Variants in FAM135B observed in about 807,000 individuals in gnomAD.
FAM135B encodes family with sequence similarity 135 member B.
In FAM135B, 43 loss-of-function variants were observed where a neutral mutation model predicts 127.7. The observed-to-expected ratio is 0.34, with a 90% CI of 0.26 to 0.43. The LOEUF is 0.43. Ranked by LOEUF, FAM135B falls within the 20% of genes least tolerant of loss-of-function variation. The pLI is 1.00. For synonymous variants in FAM135B, 670 were observed against 665.1 expected (o/e 1.01, Z -0.11); for missense variants, 1,558 against 1,725.6 (o/e 0.90, Z 1.72).
At chr8:138,340,859 C>G (rs184884226) in intron 2 of FAM135B, among the ~76,000 whole-genome samples, 1 of 152,210 alleles carries the variant, frequency 6.6e-6, no homozygotes, top group East Asian at 1.9e-4. Flanking sequence ...GTAAATGGCC[C>G]TTCTTTCTCT....
At chr8:138,431,299 A>C (rs994475976) in intron 1 of FAM135B, among the ~76,000 whole-genome samples, 5 of 152,224 alleles carry the variant, frequency 3.3e-5, no homozygotes, top group African/African-American at 1.2e-4. Context: ...TGACAGACAG[A>C]CTGAACTACC....
intron 1 of FAM135B, among the ~76,000 whole-genome samples, chr8:138,409,400 C>T (rs145181896): frequency 1.9e-4 from 29 of 151,980 alleles, no homozygotes; most frequent in South Asian, 8.3e-4. Flanking sequence ...CATGGATCAC[C>T]GCAGCAGACA....
chr8:138,357,700 T>C (rs1830178648), intron 2 of FAM135B, among the ~76,000 whole-genome samples: 1 of 152,172 alleles, frequency 6.6e-6, no homozygotes. Flanking sequence ...AGGATCCCAC[T>C]CTCTTTCTTA....
At chr8:138,266,308 G>A (rs1315727178) in intron 3 of FAM135B, among the ~76,000 whole-genome samples, 6 of 152,116 alleles carry the variant, frequency 3.9e-5, no homozygotes, top group African/African-American at 9.7e-5. Context: ...CATCATGCAT[G>A]TCATGAGAAC....
intron 3 of FAM135B, among the ~76,000 whole-genome samples, chr8:138,305,039 G>A (rs1312005047): frequency 6.6e-6 from 1 of 152,184 alleles, no homozygotes; most frequent in African/African-American, 2.4e-5. Flanking sequence ...TACCTGCTTA[G>A]AATTCTCCAT....
chr8:138,172,630 C>T (rs1265988083), intron 11 of FAM135B, among the ~76,000 whole-genome samples: 1 of 152,122 alleles, frequency 6.6e-6, no homozygotes, highest in East Asian at 1.9e-4. Flanking sequence ...ACCTTGTCTA[C>T]CTTGTTAGCT....
chr8:138,246,124 G>T (rs1821261864), intron 6 of FAM135B, among the ~76,000 whole-genome samples: 1 of 152,074 alleles, frequency 6.6e-6, no homozygotes, highest in Non-Finnish European at 1.5e-5. Context: ...TTTCAAGAGG[G>T]AGCAGAGCAC....
intron 12 of FAM135B, among the ~76,000 whole-genome samples, chr8:138,160,441 T>G (rs1390463361): frequency 6.6e-5 from 10 of 152,008 alleles, no homozygotes. Flanking sequence ...CAGGCTGGAG[T>G]GCAGTGTCTC....
chr8:138,436,190 G>A lies in FAM135B; in HGVS notation c.-20+60481C>T, dbSNP rs756783989. On this transcript the variant is annotated intron_variant, in intron 1 of 19. Coordinates refer to ENST00000395297, the MANE Select transcript of FAM135B (RefSeq NM_015912.4). ...TGGGCATTGGGAAGGGCAAACAAGC[G>A]GCTAAGCAAATGCTAAAACGATGAG... is the stretch of plus-strand genomic sequence containing the variant. Among the ~76,000 whole-genome samples the A allele has an allele frequency of 3.0e-4, 46 of 152,224 alleles. 1 individual carries two copies. The highest frequency in any genetic ancestry group is 7.2e-4 in the African/African-American group (30 of 41,536).
chr8:138,141,825 G>A lies in FAM135B; in HGVS notation c.3639-476C>T, dbSNP rs963738302. Among the ~76,000 whole-genome samples, 1 of 152,136 alleles carries A rather than the reference G, an allele frequency of 6.6e-6. No homozygotes were observed. The highest frequency in any genetic ancestry group is 2.4e-5 in the African/African-American group (1 of 41,432). On this transcript the variant is annotated intron_variant, in intron 16 of 19. Coordinates refer to ENST00000395297, the MANE Select transcript of FAM135B (RefSeq NM_015912.4). This position sits in a 1 kb window ranked among gnomAD's most constrained non-coding sequence, Gnocchi z 4.7. ...GAACCACCTGCTCACAGCCCATGCT[G>A]TTAGACCCCCTCCTGCAGGCTCTGC... is the stretch of plus-strand genomic sequence containing the variant.
intron 8 of FAM135B, 62 bp downstream of exon 8, chr8:138,197,454 C>T (rs1816746258): frequency 6.4e-7 from 1 of 1,567,316 alleles, no homozygotes; most frequent in Non-Finnish European, 8.7e-7. Context: ...TTTTCCCCAT[C>T]CCTTGTGTGG....
intron 7 of FAM135B, among the ~76,000 whole-genome samples, chr8:138,237,920 G>A (rs190341838): frequency 6.6e-5 from 10 of 152,220 alleles, no homozygotes; most frequent in Admixed American, 2.0e-4. Flanking sequence ...TCTGTTACTC[G>A]GGAGAAACTA....
At chr8:138,331,908 T>C (rs1322722690) in intron 2 of FAM135B, among the ~76,000 whole-genome samples, 1 of 152,090 alleles carries the variant, frequency 6.6e-6, no homozygotes, top group Non-Finnish European at 1.5e-5. Context: ...CCCCAGGTGA[T>C]ATGGTCAAAA....
At chr8:138,307,037 T>A (rs1406291491) in intron 3 of FAM135B, among the ~76,000 whole-genome samples, 1 of 152,200 alleles carries the variant, frequency 6.6e-6, no homozygotes, top group Non-Finnish European at 1.5e-5. Flanking sequence ...ACCTTCACAC[T>A]GAATGTTCAG....
intron 1 of FAM135B, among the ~76,000 whole-genome samples, chr8:138,492,100 T>C (rs1815226694): frequency 6.6e-6 from 1 of 152,310 alleles, no homozygotes; most frequent in East Asian, 1.9e-4. Context: ...AAGATCTCTC[T>C]GGCTGCCTTG....
At chr8:138,358,220 T>A (rs1220895984) in intron 2 of FAM135B, 2 of 152,160 alleles carry the variant, frequency 1.3e-5, no homozygotes, top group Non-Finnish European at 2.9e-5. Context: ...ATGGTGATTA[T>A]GGGAGCTAAA....
intron 1 of FAM135B, among the ~76,000 whole-genome samples, chr8:138,384,056 G>C (rs1832033947): frequency 6.6e-6 from 1 of 152,156 alleles, no homozygotes; most frequent in African/African-American, 2.4e-5. Flanking sequence ...GCCCTGCCTG[G>C]TCAGGATGCC....
chr8:138,257,824 T>C (rs1822207739), intron 4 of FAM135B, among the ~76,000 whole-genome samples: 1 of 151,918 alleles, frequency 6.6e-6, no homozygotes. Context: ...TGCAAACATT[T>C]ACAATTCAGG....
intron 2 of FAM135B, among the ~76,000 whole-genome samples, chr8:138,324,618 G>A (rs1045592188): frequency 1.3e-5 from 2 of 152,130 alleles, no homozygotes; most frequent in African/African-American, 4.8e-5. Context: ...TATGCTCACC[G>A]CTCCTAGATC....
Sources: gnomAD v4.1 joint callset for allele counts (sites outside exome capture counted in the v4.1 genomes callset) on GRCh38, gnomAD v4.1.1 for gene constraint, Gnocchi (gnomAD v3.1) non-coding constraint, MANE v1.5 for transcripts, NCBI Gene and HGNC (gene_info 2026-07-23, HGNC 2026-07-21) for gene names.